MYO16: variants seen among roughly 807,000 people sequenced by gnomAD.
The protein encoded by MYO16 is myosin XVI, also known as unconventional myosin-XVI.
MYO16 carries 94 observed loss-of-function variants against 205.3 expected under a neutral mutation model. The ratio of observed to expected loss-of-function variants is 0.46; its 90% CI spans 0.39 to 0.54. MYO16 has a LOEUF of 0.54. Among genes scored for constraint, MYO16 ranks in the 20% least tolerant of loss-of-function variants. The probability of loss-of-function intolerance (pLI) is 0.00; values close to 1 mark genes in which losing one functional copy is unlikely to be tolerated. For missense variants in MYO16, 2,315 were observed against 2,387.5 expected (o/e 0.97, Z 0.63); for synonymous variants, 988 against 954.0 (o/e 1.04, Z -0.66).
the MYO16 span, among the ~76,000 whole-genome samples, chr13:108,571,273 G>A: frequency 1.3e-5 from 2 of 151,392 alleles, no homozygotes; most frequent in South Asian, 2.1e-4. Flanking sequence ...TCAGAGGATG[G>A]CTCAGGACTG....
At chr13:108,828,624 G>A (rs963094450) in intron 9 of MYO16, among the ~76,000 whole-genome samples, 1 of 152,096 alleles carries the variant, frequency 6.6e-6, no homozygotes, top group Non-Finnish European at 1.5e-5. Flanking sequence ...CGCAGGGTAG[G>A]GGCCTAGTCA....
chr13:108,650,987 A>G (rs1045668975), intron 1 of MYO16, among the ~76,000 whole-genome samples: 3 of 152,166 alleles, frequency 2.0e-5, no homozygotes, highest in Admixed American at 6.5e-5. Context: ...CATGCATTTT[A>G]TCATTGGATC....
intron 34 of MYO16, among the ~76,000 whole-genome samples, chr13:109,192,582 C>T (rs750760305): frequency 2.0e-5 from 3 of 152,104 alleles, no homozygotes; most frequent in Non-Finnish European, 4.4e-5. Context: ...TAGGGGTAGT[C>T]ATCTGACTGA....
intron 9 of MYO16, among the ~76,000 whole-genome samples, chr13:108,836,436 G>A (rs1211506337): frequency 6.6e-6 from 1 of 152,248 alleles, no homozygotes; most frequent in Admixed American, 6.5e-5. Flanking sequence ...GAAATGTGGG[G>A]TTGGAGCCTC....
chr13:109,043,571 T>C (rs1287181595), intron 23 of MYO16, among the ~76,000 whole-genome samples: 1 of 152,174 alleles, frequency 6.6e-6, no homozygotes, highest in Non-Finnish European at 1.5e-5. Flanking sequence ...AATAGCAGTG[T>C]TGCATTAAAG....
chr13:108,941,676 CA>C (rs576929781), intron 16 of MYO16, among the ~76,000 whole-genome samples: 1,901 of 45,006 alleles, frequency 0.042, 16 homozygotes, highest in African/African-American at 0.092. Context: ...GACTCAGTCT[CA>C]AAAAAAAAAA....
At chr13:108,845,035 GTTATGGCAA>G (rs1228188182) in intron 10 of MYO16, among the ~76,000 whole-genome samples, 2 of 152,064 alleles carry the variant, frequency 1.3e-5, no homozygotes, top group Admixed American at 6.6e-5. Flanking sequence ...TGAGCTTGGA[GTTATGGCAA>G]TTAATGTATT....
chr13:108,615,476 T>C (rs1197487416), intron 1 of MYO16, among the ~76,000 whole-genome samples: 3 of 152,146 alleles, frequency 2.0e-5, no homozygotes, highest in Non-Finnish European at 4.4e-5. Context: ...TGAAAACATA[T>C]GTCCACACAA....
intron 27 of MYO16, among the ~76,000 whole-genome samples, chr13:109,090,046 A>G (rs1465622606): frequency 6.6e-6 from 1 of 152,220 alleles, no homozygotes; most frequent in Non-Finnish European, 1.5e-5. Flanking sequence ...AAGTGTCACA[A>G]TGTCTTCGTT....
chr13:108,916,068 T>TA (rs763773426), intron 16 of MYO16, among the ~76,000 whole-genome samples: 282 of 152,230 alleles, frequency 1.9e-3, no homozygotes, highest in Admixed American at 3.3e-3. Context: ...TGGAGGTGAG[T>TA]CTTCATAATT....
intron 8 of MYO16, among the ~76,000 whole-genome samples, chr13:108,822,501 A>AT (rs1876033811): frequency 6.6e-6 from 1 of 152,146 alleles, no homozygotes; most frequent in South Asian, 2.1e-4. Flanking sequence ...CTATATCAGT[A>AT]ATTGTTGTTA....
intron 2 of MYO16, among the ~76,000 whole-genome samples, chr13:108,711,245 G>A (rs1406911231): frequency 6.6e-6 from 1 of 152,224 alleles, no homozygotes; most frequent in Non-Finnish European, 1.5e-5. Context: ...AATACGACAC[G>A]AGCTGTCAGG....
Position 108,950,575 on chromosome 13 carries a change from GC to G in MYO16, c.1926-7108del, listed in dbSNP as rs570485144. On this transcript the variant is annotated intron_variant, in intron 16 of 34. Coordinates refer to ENST00000457511, the MANE Select transcript of MYO16 (RefSeq NM_001198950.3). ...TGGTGAGGATGTGAAGAAACTCACT[GC>G]CCCCTGCATTGCTGGTGGGAATGTA... Among the ~76,000 whole-genome samples, 200 of 152,290 alleles carry G rather than the reference GC, an allele frequency of 1.3e-3. 2 individuals carry two copies. Among genetic ancestry groups the G allele is most frequent in the African/African-American group, 4.4e-3 (183 of 41,566 alleles).
chr13:109,023,641 A>G (rs1330716582), intron 23 of MYO16, among the ~76,000 whole-genome samples: 9 of 108,666 alleles, frequency 8.3e-5, no homozygotes, highest in South Asian at 5.6e-4. Context: ...AAATATATAT[A>G]CAAATATATG....
chr13:108,643,011 G>A (rs1880579526), intron 1 of MYO16, among the ~76,000 whole-genome samples: 1 of 152,004 alleles, frequency 6.6e-6, no homozygotes, highest in Admixed American at 6.5e-5. Flanking sequence ...GTTTATGGAG[G>A]TATAATTTAC....
At chr13:109,206,253 T>C (rs1880593254) in intron 34 of MYO16, among the ~76,000 whole-genome samples, 1 of 152,146 alleles carries the variant, frequency 6.6e-6, no homozygotes. Flanking sequence ...GAACATCTAT[T>C]ATGGATAGAA....
At chr13:108,998,757 T>C (rs1346175522) in intron 21 of MYO16, among the ~76,000 whole-genome samples, 1 of 152,198 alleles carries the variant, frequency 6.6e-6, no homozygotes, top group African/African-American at 2.4e-5. Context: ...AGGGTGACAC[T>C]GGCTGTTGGC....
the MYO16 span, among the ~76,000 whole-genome samples, chr13:108,549,992 T>C: frequency 1.3e-5 from 2 of 152,258 alleles, no homozygotes; most frequent in African/African-American, 2.4e-5. Context: ...TGATCTGCCA[T>C]GTGGCTGGCA....
intron 2 of MYO16, among the ~76,000 whole-genome samples, chr13:108,710,617 G>A (rs769436515): frequency 3.3e-5 from 5 of 152,148 alleles, no homozygotes; most frequent in African/African-American, 7.2e-5. Flanking sequence ...GAGTACAACT[G>A]TCCATTGTTC....
Sources: gnomAD v4.1 joint callset for allele counts (sites outside exome capture counted in the v4.1 genomes callset) on GRCh38, gnomAD v4.1.1 for gene constraint, MANE v1.5 for transcripts, NCBI Gene and HGNC (gene_info 2026-07-23, HGNC 2026-07-21) for gene names.